Variants in JPH1 observed in about 807,000 individuals in gnomAD.
JPH1 encodes the protein junctophilin-1.
In JPH1, 12 loss-of-function variants were observed where a neutral mutation model predicts 53.6. The ratio of observed to expected loss-of-function variants is 0.22; its 90% CI spans 0.14 to 0.36. JPH1 has a LOEUF of 0.36. Ranked by LOEUF, JPH1 falls within the 10% of genes least tolerant of loss-of-function variation. The pLI is 1.00. For synonymous variants in JPH1, 375 were observed against 363.8 expected (o/e 1.03, Z -0.35); for missense variants, 808 against 905.5 (o/e 0.89, Z 1.38).
At chr8:74,278,984 C>CATGT (rs1554538351) in intron 2 of JPH1, among the ~76,000 whole-genome samples, 2 of 147,372 alleles carry the variant, frequency 1.4e-5, no homozygotes, top group Admixed American at 1.3e-4. Context: ...CACACGCACA[C>CATGT]GCGCGCACAC....
chr8:74,262,397 G>A (rs975735746), intron 2 of JPH1, among the ~76,000 whole-genome samples: 14 of 152,300 alleles, frequency 9.2e-5, no homozygotes, highest in Middle Eastern at 3.4e-3. Context: ...TTGTTCTTGC[G>A]TTGGGGGGTG....
At position 74,315,652 on chromosome 8, in the gene JPH1, CG is replaced by C; in HGVS notation, c.380-33del. 6.4e-7 allele frequency: 1 copy of C among 1,558,710 alleles called. No individual in the cohort carries two copies. Among genetic ancestry groups the C allele is most frequent in the Non-Finnish European group, 8.6e-7 (1 of 1,158,212 alleles). On this transcript the variant is annotated intron_variant, in intron 1 of 5. Transcript: ENST00000342232. The surrounding 1 kb of genome is among the most constrained non-coding windows in gnomAD (Gnocchi z 6.3). ...GAGACCGCAAGAAAGCACCGTGAGT[CG>C]GGGGCAGAGCTGCACCGTCACCTGC...
chr8:74,267,927 G>A (rs1806582315), intron 2 of JPH1, among the ~76,000 whole-genome samples: 1 of 152,126 alleles, frequency 6.6e-6, no homozygotes, highest in South Asian at 2.1e-4. Context: ...CAGTGAAAGG[G>A]GTGATCCAGT....
At chr8:74,266,615 T>A (rs1303962458) in intron 2 of JPH1, among the ~76,000 whole-genome samples, 2 of 152,172 alleles carry the variant, frequency 1.3e-5, no homozygotes, top group Non-Finnish European at 2.9e-5. Flanking sequence ...TGAAGATTGG[T>A]TGCACAGCAA....
intron 1 of JPH1, among the ~76,000 whole-genome samples, chr8:74,317,257 A>G (rs1353040058): frequency 6.6e-6 from 1 of 152,226 alleles, no homozygotes. Flanking sequence ...ATTCTGGCAT[A>G]TGTGACACAG....
At chr8:74,311,370 G>A (rs1756768133) in intron 2 of JPH1, among the ~76,000 whole-genome samples, 1 of 152,072 alleles carries the variant, frequency 6.6e-6, no homozygotes, top group Non-Finnish European at 1.5e-5. Context: ...AACCATAGAG[G>A]GGTCAGATAG....
At chr8:74,238,792 A>T (rs1341783143) in intron 4 of JPH1, among the ~76,000 whole-genome samples, 1 of 152,142 alleles carries the variant, frequency 6.6e-6, no homozygotes, top group Non-Finnish European at 1.5e-5. Flanking sequence ...TGAGTAGCTG[A>T]GACCAACAGT....
At chr8:74,277,844 A>G (rs1036760893) in intron 2 of JPH1, among the ~76,000 whole-genome samples, 5 of 152,216 alleles carry the variant, frequency 3.3e-5, no homozygotes, top group African/African-American at 9.6e-5. Flanking sequence ...AAGTTTCTAA[A>G]TAAGTAATAT....
chr8:74,259,276 G>A, intron 3 of JPH1, 109 bp downstream of exon 3: 1 of 845,800 alleles, frequency 1.2e-6, no homozygotes, highest in Non-Finnish European at 1.9e-6. Flanking sequence ...TTGTATAATA[G>A]TACTGCTGGG....
At position 74,238,135 on chromosome 8, in the gene JPH1, T is replaced by C. The variant is rs777071438; in HGVS notation, c.1906-832A>G. Reference sequence around the variant, plus strand: ...CTGTTAAAATAATGTCTAATTCTTATATAGCATTAAAAGTATTCTAAACTG... The same window carrying C: ...CTGTTAAAATAATGTCTAATTCTTACATAGCATTAAAAGTATTCTAAACTG... On this transcript the variant is annotated intron_variant, in intron 4 of 5. Coordinates refer to ENST00000342232, the MANE Select transcript of JPH1 (RefSeq NM_020647.4). Among the ~76,000 whole-genome samples, 9 of 152,330 alleles carry C rather than the reference T, an allele frequency of 5.9e-5. No individual in the cohort carries two copies. The South Asian group carries it at 6.2e-4, about 11-fold the overall frequency.
intron 2 of JPH1, among the ~76,000 whole-genome samples, chr8:74,308,730 G>A (rs1294812778): frequency 6.6e-6 from 1 of 152,184 alleles, no homozygotes; most frequent in Non-Finnish European, 1.5e-5. Flanking sequence ...AGTGGGCTAA[G>A]AGAAGCGGGG....
At chr8:74,242,794 A>AC (rs1231955641) in intron 4 of JPH1, among the ~76,000 whole-genome samples, 40 of 152,298 alleles carry the variant, frequency 2.6e-4, no homozygotes, top group Admixed American at 8.5e-4. Context: ...GTAGAGGGGT[A>AC]CCCTAAGGAC....
intron 2 of JPH1, among the ~76,000 whole-genome samples, chr8:74,275,349 T>C (rs962199426): frequency 1.3e-5 from 2 of 152,180 alleles, no homozygotes; most frequent in Admixed American, 6.5e-5. Context: ...CACATGTTAC[T>C]GAATATAATT....
intron 3 of JPH1, among the ~76,000 whole-genome samples, chr8:74,252,338 A>C (rs960294426): frequency 5.9e-5 from 9 of 152,180 alleles, no homozygotes; most frequent in East Asian, 3.9e-4. Flanking sequence ...TATTTAAACT[A>C]AAGAGCTTCT....
At chr8:74,280,568 A>C (rs1402608632) in intron 2 of JPH1, among the ~76,000 whole-genome samples, 1 of 152,196 alleles carries the variant, frequency 6.6e-6, no homozygotes, top group Non-Finnish European at 1.5e-5. Flanking sequence ...CAGGAAGGGA[A>C]GGAACAGCAC....
intron 2 of JPH1, among the ~76,000 whole-genome samples, chr8:74,264,487 ATTATG>A (rs958476937): frequency 4.6e-5 from 7 of 151,878 alleles, no homozygotes; most frequent in African/African-American, 9.7e-5. Context: ...AATGTAAACT[ATTATG>A]TTATTTAGTT....
In JPH1 at chr8:74,319,367, T is replaced by C. The variant is rs189400757; in HGVS notation, c.379+1542A>G. Among the ~76,000 whole-genome samples, 243 of 152,336 alleles carry C rather than the reference T, an allele frequency of 1.6e-3. 1 individual carries two copies. The highest frequency in any genetic ancestry group is 4.1e-4 in the African/African-American group (17 of 41,570). On this transcript the variant is annotated intron_variant, in intron 1 of 5. Coordinates refer to ENST00000342232, the MANE Select transcript of JPH1 (RefSeq NM_020647.4). The stretch of plus-strand genomic sequence containing the variant: ...TTGAGCATGGAATTTAGTTATATAG[T>C]AGAGCTGGGGCCTCCAACAAAATCC...
intron 2 of JPH1, among the ~76,000 whole-genome samples, chr8:74,289,687 C>T (rs1807267227): frequency 6.6e-6 from 1 of 152,212 alleles, no homozygotes; most frequent in African/African-American, 2.4e-5. Context: ...CCCTTACGAA[C>T]ATTACTTAGC....
chr8:74,309,860 T>C (rs1807939949), intron 2 of JPH1, among the ~76,000 whole-genome samples: 1 of 152,224 alleles, frequency 6.6e-6, no homozygotes, highest in Non-Finnish European at 1.5e-5. Context: ...TATTCTCTCT[T>C]GCCCATTCCA....
Sources: gnomAD v4.1 joint callset for allele counts (sites outside exome capture counted in the v4.1 genomes callset) on GRCh38, gnomAD v4.1.1 for gene constraint, Gnocchi (gnomAD v3.1) non-coding constraint, MANE v1.5 for transcripts, NCBI Gene and HGNC (gene_info 2026-07-23, HGNC 2026-07-21) for gene names.